Variants in SOX5 observed in about 807,000 individuals in gnomAD.
SOX5 encodes the protein transcription factor SOX-5.
A neutral mutation model predicts 92.0 loss-of-function variants in SOX5; 9 were observed. That is an observed-to-expected ratio of 0.10 (90% CI 0.06 to 0.17). SOX5 has a LOEUF of 0.17. Ranked by LOEUF, SOX5 falls within the 10% of genes least tolerant of loss-of-function variation. SOX5 has a pLI of 1.00. For missense variants in SOX5, 642 were observed against 944.5 expected (o/e 0.68, Z 4.20); for synonymous variants, 344 against 336.3 (o/e 1.02, Z -0.25).
At chr12:23,930,318 C>G (rs143304876) in intron 1 of SOX5, among the ~76,000 whole-genome samples, 401 of 151,794 alleles carry the variant, frequency 2.6e-3, no homozygotes, top group African/African-American at 9.2e-3. Context: ...TCACAAAATG[C>G]CATTTTTATT....
intron 2 of SOX5, among the ~76,000 whole-genome samples, chr12:24,351,216 CTAGAT>C (rs370900881): frequency 2.0e-5 from 3 of 152,210 alleles, no homozygotes; most frequent in Admixed American, 6.5e-5. Flanking sequence ...TGTAGAGTAT[CTAGAT>C]TAAATTAAAA....
chr12:24,186,363 C>A (rs1956014931), intron 4 of SOX5, among the ~76,000 whole-genome samples: 1 of 152,042 alleles, frequency 6.6e-6, no homozygotes, highest in Non-Finnish European at 1.5e-5. Flanking sequence ...GTCATCAAAG[C>A]CTTTACACAA....
At chr12:24,441,220 C>T (rs1313893266) in intron 1 of SOX5, among the ~76,000 whole-genome samples, 1 of 152,214 alleles carries the variant, frequency 6.6e-6, no homozygotes, top group African/African-American at 2.4e-5. Context: ...CTCCTCCCAT[C>T]CTACTGCACA....
chr12:23,639,936 T>A (rs1425341570), intron 8 of SOX5, among the ~76,000 whole-genome samples: 1 of 152,256 alleles, frequency 6.6e-6, no homozygotes, highest in Non-Finnish European at 1.5e-5. Flanking sequence ...AACTGCTTTA[T>A]CTCTGGCTTC....
chr12:24,181,567 C>T (rs192159739), intron 4 of SOX5, among the ~76,000 whole-genome samples: 45 of 152,244 alleles, frequency 3.0e-4, no homozygotes, highest in African/African-American at 1.1e-3. Context: ...TCAATTTCCT[C>T]CTATGTATAT....
At chr12:23,720,787 C>T (rs1437217346) in intron 6 of SOX5, among the ~76,000 whole-genome samples, 1 of 152,020 alleles carries the variant, frequency 6.6e-6, no homozygotes, top group Non-Finnish European at 1.5e-5. Flanking sequence ...AATATTGTTC[C>T]AAATGTCTTC....
At chr12:23,787,528 C>T (rs1350586991) in intron 3 of SOX5, among the ~76,000 whole-genome samples, 6 of 151,916 alleles carry the variant, frequency 3.9e-5, no homozygotes, top group African/African-American at 1.2e-4. Context: ...TTTGCATACA[C>T]GATGAACACA....
At chr12:23,538,892 C>T (rs983640041) in intron 13 of SOX5, among the ~76,000 whole-genome samples, 2 of 148,786 alleles carry the variant, frequency 1.3e-5, no homozygotes, top group African/African-American at 5.0e-5. Context: ...GCTCCACCTC[C>T]CGGATTCACG....
At chr12:24,407,376 C>G (rs1042517915) in intron 1 of SOX5, 3 of 152,192 alleles carry the variant, frequency 2.0e-5, no homozygotes, top group African/African-American at 7.2e-5. Flanking sequence ...AGTGCAACCT[C>G]AGGCTGCTGA....
chr12:23,802,102 C>A (rs1281307512), intron 3 of SOX5, among the ~76,000 whole-genome samples: 2 of 151,966 alleles, frequency 1.3e-5, no homozygotes, highest in South Asian at 2.1e-4. Flanking sequence ...GAGACGGAGT[C>A]CCACTCTGTT....
At chr12:23,931,577 T>C (rs996563159) in intron 1 of SOX5, among the ~76,000 whole-genome samples, 1 of 151,778 alleles carries the variant, frequency 6.6e-6, no homozygotes, top group Non-Finnish European at 1.5e-5. Context: ...TCTTGAAATA[T>C]ATTTCTTAAA....
At chr12:23,902,195 T>C (rs539778885) in intron 1 of SOX5, among the ~76,000 whole-genome samples, 27 of 152,274 alleles carry the variant, frequency 1.8e-4, no homozygotes, top group African/African-American at 5.3e-4. Flanking sequence ...GTACAATTAT[T>C]CTGGAAAATG....
intron 1 of SOX5, among the ~76,000 whole-genome samples, chr12:24,447,459 C>T (rs546192844): frequency 1.3e-5 from 2 of 152,056 alleles, no homozygotes; most frequent in Non-Finnish European, 2.9e-5. Flanking sequence ...CCAGAGGAAG[C>T]TAATGAGACA....
At chr12:24,037,080 T>C (rs1029960975) in intron 4 of SOX5, among the ~76,000 whole-genome samples, 2 of 152,160 alleles carry the variant, frequency 1.3e-5, no homozygotes, top group African/African-American at 2.4e-5. Context: ...GGTTGTCTCT[T>C]TAAATTGAAG....
Position 24,121,885 on chromosome 12 carries a change from CAAAAAAAAAAA to C in SOX5, c.-2+91447_-2+91457del, listed in dbSNP as rs900951883. ...TGGGCGACAGAGTGAGACTCTATCTCAAAAAAAAAAAAAAAAAAAAAAAAAGGGATGAGATG... is the reference window on the plus strand; with the variant it reads ...TGGGCGACAGAGTGAGACTCTATCTCAAAAAAAAAAAAAAGGGATGAGATG... On this transcript the variant is annotated intron_variant, in intron 4 of 4. Transcript: ENST00000446891. Among the ~76,000 whole-genome samples, 3 of 48,258 alleles carry C rather than the reference CAAAAAAAAAAA, an allele frequency of 6.2e-5. No individual in the cohort carries two copies. The South Asian group carries it at 3.6e-3, about 59-fold the overall frequency. The allele number at this position is 48,258 out of a possible 152,430, so 31.7% of individuals were successfully genotyped here. A position where few individuals can be genotyped will look rare whatever the true frequency, so the allele number is the denominator to read the frequency against.
At chr12:24,165,345 T>C (rs1406884940) in intron 4 of SOX5, among the ~76,000 whole-genome samples, 1 of 152,258 alleles carries the variant, frequency 6.6e-6, no homozygotes, top group African/African-American at 2.4e-5. Flanking sequence ...AACTGAAGGA[T>C]TATTTATTTG....
At chr12:23,958,095 C>A (rs1339491311) in intron 4 of SOX5, among the ~76,000 whole-genome samples, 1 of 151,854 alleles carries the variant, frequency 6.6e-6, no homozygotes, top group African/African-American at 2.4e-5. Flanking sequence ...GTAAAATATA[C>A]CAGTATCCTA....
At chr12:24,515,399 C>T (rs374373556) in intron 1 of SOX5, among the ~76,000 whole-genome samples, 9 of 151,994 alleles carry the variant, frequency 5.9e-5, no homozygotes, top group Admixed American at 3.3e-4. Flanking sequence ...AGTTGTTATT[C>T]GTATTATTAT....
intron 4 of SOX5, among the ~76,000 whole-genome samples, chr12:24,009,181 A>G (rs1391834878): frequency 6.6e-6 from 1 of 152,206 alleles, no homozygotes; most frequent in Non-Finnish European, 1.5e-5. Context: ...TGATCTGACT[A>G]CAACTACATA....
Sources: gnomAD v4.1 joint callset for allele counts (sites outside exome capture counted in the v4.1 genomes callset) on GRCh38, gnomAD v4.1.1 for gene constraint, MANE v1.5 for transcripts, NCBI Gene and HGNC (gene_info 2026-07-23, HGNC 2026-07-21) for gene names.